Variants in CPNE5 observed in about 807,000 individuals in gnomAD.
CPNE5 encodes copine 5, also known as copine-5.
In CPNE5, 42 loss-of-function variants were observed where a neutral mutation model predicts 81.1. The ratio of observed to expected loss-of-function variants is 0.52; its 90% CI spans 0.40 to 0.67. The LOEUF (loss-of-function observed/expected upper bound fraction) is 0.67, where lower values mean the gene tolerates loss of function less well. CPNE5 is among the 30% of genes least tolerant of loss of function. CPNE5 has a pLI of 0.00. For missense variants in CPNE5, 612 were observed against 815.5 expected, an observed-to-expected ratio of 0.75 and a Z score of 3.04; for synonymous variants, 313 against 321.5, an observed-to-expected ratio of 0.97 and a Z score of 0.28.
rs560152842 is a variant in CPNE5 at position 36,773,666 on chromosome 6, A to G, written c.737+1295T>C. ...CAATGCAGTCCTGTAGAGTAGGCAG[A>G]CATTTTAATACCCATTTTACAGATA... On this transcript the variant is annotated intron_variant, in intron 10 of 20. Coordinates refer to ENST00000244751, the MANE Select transcript of CPNE5 (RefSeq NM_020939.2). Among the ~76,000 whole-genome samples the G allele has an allele frequency of 5.1e-4, 77 of 152,174 alleles. 1 individual carries two copies. Among genetic ancestry groups the G allele is most frequent in the Non-Finnish European group, 1.2e-4 (8 of 68,042 alleles).
intron 3 of CPNE5, among the ~76,000 whole-genome samples, chr6:36,813,356 C>T (rs1771269466): frequency 6.6e-6 from 1 of 152,202 alleles, no homozygotes; most frequent in Non-Finnish European, 1.5e-5. Flanking sequence ...CATGGTGAAA[C>T]TCTGCCTCTA....
chr6:36,758,500 C>T (rs1765709703), intron 12 of CPNE5, among the ~76,000 whole-genome samples: 2 of 151,978 alleles, frequency 1.3e-5, no homozygotes, highest in African/African-American at 2.4e-5. Context: ...CCTCCTGCCT[C>T]AGTCTCCCAG....
At chr6:36,835,718 C>A (rs1773433715) in intron 1 of CPNE5, among the ~76,000 whole-genome samples, 1 of 152,032 alleles carries the variant, frequency 6.6e-6, no homozygotes, top group East Asian at 1.9e-4. Flanking sequence ...ATCACTTGAA[C>A]CCAGAAAGCG....
Position 36,765,783 on chromosome 6 carries a change from A to C in CPNE5, c.738-407T>G, listed in dbSNP as rs925364813. On this transcript the variant is annotated intron_variant, in intron 10 of 20. Transcript: ENST00000244751. ...CTCAGGCCCCGGCAGGGTGGAGGGG[A>C]GGGAAGAAGACTGCTTGTTGAGGGT... 4.0e-5 allele frequency among the ~76,000 whole-genome samples: 6 copies of C among 151,332 alleles called. No homozygotes were observed. In the South Asian group the frequency reaches 1.3e-3, roughly 32 times the overall value.
chr6:36,784,818 C>CTGTA (rs1451423738), intron 8 of CPNE5, among the ~76,000 whole-genome samples: 4 of 151,930 alleles, frequency 2.6e-5, no homozygotes, highest in Non-Finnish European at 5.9e-5. Context: ...TGGTGCGCAC[C>CTGTA]TGTAGTCCCA....
chr6:36,827,025 G>A (rs180898012), intron 1 of CPNE5, among the ~76,000 whole-genome samples: 1 of 152,040 alleles, frequency 6.6e-6, no homozygotes, highest in Admixed American at 6.5e-5. Flanking sequence ...TCACTCTCCC[G>A]GTGGATGCTC....
chr6:36,757,507 C>T (rs922839767), intron 12 of CPNE5: 3 of 305,584 alleles, frequency 9.8e-6, no homozygotes, highest in Admixed American at 6.5e-5. Flanking sequence ...GGTTTCCTGC[C>T]CCCGGGCCAG....
chr6:36,837,524 C>T (rs978254806), intron 1 of CPNE5, among the ~76,000 whole-genome samples: 2 of 152,126 alleles, frequency 1.3e-5, no homozygotes, highest in Admixed American at 6.5e-5. Context: ...GGAGGGATGA[C>T]GTCTGCACAC....
Position 36,826,944 on chromosome 6 carries a change from T to C in CPNE5, c.96-3846A>G, listed in dbSNP as rs1772551402. 3.3e-5 allele frequency among the ~76,000 whole-genome samples: 5 copies of C among 152,264 alleles called. No homozygotes were observed. The South Asian group carries it at 1.0e-3, about 32-fold the overall frequency. ...AGGGCTGCTGTGGAGATTCGATATG[T>C]GGAGCACCTGGGACCTCGTCAGCCT... is the stretch of plus-strand genomic sequence containing the variant. On this transcript the variant is annotated intron_variant, in intron 1 of 20. Coordinates refer to ENST00000244751, the MANE Select transcript of CPNE5 (RefSeq NM_020939.2).
chr6:36,757,729 A>G (rs2150398839), intron 12 of CPNE5, among the ~76,000 whole-genome samples: 1 of 152,306 alleles, frequency 6.6e-6, no homozygotes, highest in East Asian at 1.9e-4. Context: ...GGAAGGAAAG[A>G]CCACTCTAGG....
At chr6:36,786,544 T>C (rs1422200430) in intron 8 of CPNE5, among the ~76,000 whole-genome samples, 1 of 152,202 alleles carries the variant, frequency 6.6e-6, no homozygotes, top group African/African-American at 2.4e-5. Flanking sequence ...CCTGTGTTTC[T>C]GGGATACTAA....
rs374726167 is a variant in CPNE5, at chr6:36,744,366, T to A, written c.1432-41A>T. 20 of 1,509,602 alleles carry A rather than the reference T, an allele frequency of 1.3e-5. No individual in the cohort carries two copies. In the East Asian group the frequency reaches 3.3e-4, roughly 25 times the overall value. The allele number at this position is 1,509,602 out of a possible 1,614,324, so 93.5% of individuals were successfully genotyped here. ...GGGGGCAGGGAAAGGTTGGACCCAA[T>A]TGGGACCCAGTTAAAAGGAAGGAGA... On this transcript the variant is annotated intron_variant, in intron 18 of 20. Transcript: ENST00000244751.
At chr6:36,830,966 C>T (rs1041685332) in intron 1 of CPNE5, among the ~76,000 whole-genome samples, 2 of 152,184 alleles carry the variant, frequency 1.3e-5, no homozygotes, top group African/African-American at 4.8e-5. Flanking sequence ...TAGTCTTCTG[C>T]CTAGCAATGT....
Position 36,748,274 on chromosome 6 carries a change from G to A in CPNE5, c.972-7C>T. The A allele has an allele frequency of 6.2e-7, 1 of 1,614,060 alleles. No individual in the cohort carries two copies. Among genetic ancestry groups the A allele is most frequent in the Admixed American group, 1.7e-5 (1 of 60,024 alleles). Reference sequence around the variant, plus strand: ...AGTGAAGTTGATCTGGGTCCTAGAAGAGGGAGAACAGCAGGGGAGTCACCT... The same window carrying A: ...AGTGAAGTTGATCTGGGTCCTAGAAAAGGGAGAACAGCAGGGGAGTCACCT... On this transcript the variant is annotated splice_polypyrimidine_tract_variant and splice_region_variant and intron_variant, in intron 14 of 20. Transcript: ENST00000244751.
At chr6:36,751,972 G>A (rs1764888548) in intron 14 of CPNE5, among the ~76,000 whole-genome samples, 1 of 152,058 alleles carries the variant, frequency 6.6e-6, no homozygotes, top group Non-Finnish European at 1.5e-5. Context: ...TCAGCCCAGA[G>A]GAGGGGCAGG....
chr6:36,813,781 C>A (rs1771305557), intron 3 of CPNE5, among the ~76,000 whole-genome samples: 1 of 152,184 alleles, frequency 6.6e-6, no homozygotes, highest in Non-Finnish European at 1.5e-5. Flanking sequence ...ACCCTGCCCC[C>A]CAGAATGATG....
intron 10 of CPNE5, among the ~76,000 whole-genome samples, chr6:36,770,486 C>A (rs1162957353): frequency 6.6e-6 from 1 of 152,212 alleles, no homozygotes; most frequent in Non-Finnish European, 1.5e-5. Flanking sequence ...CTACACCCAT[C>A]ATTCCGAGAA....
chr6:36,815,636 G>A (rs1051244613), intron 3 of CPNE5, among the ~76,000 whole-genome samples: 7 of 152,198 alleles, frequency 4.6e-5, no homozygotes, highest in African/African-American at 1.7e-4. Flanking sequence ...TGGTATTTTT[G>A]TTATAGCAAC....
In CPNE5 at chr6:36,838,738, T is replaced by C. The variant is rs934594587; in HGVS notation, c.95+545A>G. Reference sequence around the variant, plus strand: ...AATCTGATCCTTTTCCAGGAGTCGATTTCGTTGTTGATAGAGATGAAGGAA... The same window carrying C: ...AATCTGATCCTTTTCCAGGAGTCGACTTCGTTGTTGATAGAGATGAAGGAA... On this transcript the variant is annotated intron_variant, in intron 1 of 20. Coordinates refer to ENST00000244751, the MANE Select transcript of CPNE5 (RefSeq NM_020939.2). 3.1e-6 allele frequency: 3 copies of C among 979,982 alleles called. No homozygotes were observed. In the African/African-American group the frequency reaches 5.3e-5, roughly 17 times the overall value. 60.7% of individuals were successfully genotyped at this position (979,982 alleles called of 1,614,324 possible).
Sources: gnomAD v4.1 joint callset for allele counts (sites outside exome capture counted in the v4.1 genomes callset) on GRCh38, gnomAD v4.1.1 for gene constraint, MANE v1.5 for transcripts, NCBI Gene and HGNC (gene_info 2026-07-23, HGNC 2026-07-21) for gene names.